Variants in TIAM1 observed in about 807,000 individuals in gnomAD.
The protein encoded by TIAM1 is rho guanine nucleotide exchange factor TIAM1.
TIAM1 carries 65 observed loss-of-function variants against 163.5 expected under a neutral mutation model. That is an observed-to-expected ratio of 0.40 (90% CI 0.33 to 0.49). The LOEUF is 0.49. Ranked by LOEUF, TIAM1 falls within the 20% of genes least tolerant of loss-of-function variation. The probability of loss-of-function intolerance (pLI) is 0.77; values close to 1 mark genes in which losing one functional copy is unlikely to be tolerated. For missense variants in TIAM1, 1,789 were observed against 2,044.7 expected, an observed-to-expected ratio of 0.87 and a Z score of 2.41; for synonymous variants, 833 against 810.1, an observed-to-expected ratio of 1.03 and a Z score of -0.48.
chr21:31,171,696 G>A (rs1332546028), intron 15 of TIAM1, among the ~76,000 whole-genome samples: 1 of 152,168 alleles, frequency 6.6e-6, no homozygotes, highest in Non-Finnish European at 1.5e-5. Context: ...AGACTTTTAT[G>A]TCTATTTCGC....
intron 2 of TIAM1, among the ~76,000 whole-genome samples, chr21:31,440,061 G>C (rs1335334730): frequency 6.6e-6 from 1 of 152,134 alleles, no homozygotes; most frequent in Admixed American, 6.6e-5. Context: ...GGAAAAAATA[G>C]TACTCATACC....
chr21:31,476,637 T>A (rs1376940917), intron 1 of TIAM1, among the ~76,000 whole-genome samples: 1 of 152,198 alleles, frequency 6.6e-6, no homozygotes. Context: ...AACCAAATGA[T>A]GGGTGTCAGA....
rs186084044 is a variant in TIAM1 at position 31,259,578 on chromosome 21, A to G, written c.963+6432T>C. Among the ~76,000 whole-genome samples, 350 of 151,968 alleles carry G rather than the reference A, an allele frequency of 2.3e-3. 1 individual carries two copies. Among genetic ancestry groups the G allele is most frequent in the African/African-American group, 7.6e-3 (317 of 41,448 alleles). ...GTGCACTATGATAATATCTGTAAAT[A>G]GCCACTGCACTCCAGCCTGGGAAAC... On this transcript the variant is annotated intron_variant, in intron 4 of 27. Transcript: ENST00000541036.
Position 31,468,832 on chromosome 21 carries a change from T to G in TIAM1, c.-421-4797A>C, listed in dbSNP as rs563380741. Among the ~76,000 whole-genome samples, 5 of 152,184 alleles carry G rather than the reference T, an allele frequency of 3.3e-5. No individual in the cohort carries two copies. The South Asian group carries it at 1.0e-3, about 32-fold the overall frequency. On this transcript the variant is annotated intron_variant, in intron 1 of 28. Transcript: ENST00000286827. ...AAATACTCTCAGATTGCCCTTCAGA[T>G]GACTTTTCCTCTTTTTCCTCTGGGA...
intron 2 of TIAM1, among the ~76,000 whole-genome samples, chr21:31,431,975 ACATCGCATGCTATG>A (rs758709615): frequency 1.3e-5 from 2 of 152,166 alleles, no homozygotes; most frequent in Admixed American, 6.5e-5. Context: ...CTAGAATGCC[ACATCGCATGCTATG>A]CAGAGTTACA....
At chr21:31,283,911 G>A (rs184946604) in intron 2 of TIAM1, among the ~76,000 whole-genome samples, 9 of 152,294 alleles carry the variant, frequency 5.9e-5, no homozygotes, top group African/African-American at 2.2e-4. Context: ...TCCAAGAGTA[G>A]TTTCCATGGA....
At chr21:31,509,035 G>A (rs2047125522) in intron 1 of TIAM1, among the ~76,000 whole-genome samples, 1 of 152,164 alleles carries the variant, frequency 6.6e-6, no homozygotes, top group South Asian at 2.1e-4. Context: ...GAGACCCCCT[G>A]GAGGGAATGA....
At position 31,182,423 on chromosome 21, in the gene TIAM1, G is replaced by C. The variant is rs760397279; in HGVS notation, c.2885C>G (p.Pro962Arg). 6.4e-7 allele frequency: 1 copy of C among 1,566,774 alleles called. No individual in the cohort carries two copies. Among genetic ancestry groups the C allele is most frequent in the Non-Finnish European group, 8.6e-7 (1 of 1,158,612 alleles). The change falls in exon 15 of 28, where the codon CCA becomes CGA. Residue 962 changes from proline to arginine, a missense_variant and splice_region_variant. Coordinates refer to ENST00000541036, the MANE Select transcript of TIAM1 (RefSeq NM_001353694.2). ...ESPLAFLTSN[P>R]GHSLCSEQGS... ...CCCAGCACCCTGCACAGCCATACCT[G>C]GGTTGCTGGTGAGAAAGGCGAGGGG...
chr21:31,449,180 G>A (rs1390204172), intron 2 of TIAM1, among the ~76,000 whole-genome samples: 2 of 151,992 alleles, frequency 1.3e-5, no homozygotes, highest in African/African-American at 2.4e-5. Flanking sequence ...GCCCAGGCTG[G>A]TCTTGAACTC....
chr21:31,337,506 A>ATTATTATTGTTG (rs2075878237), intron 2 of TIAM1, among the ~76,000 whole-genome samples: 2 of 138,276 alleles, frequency 1.4e-5, no homozygotes, highest in African/African-American at 5.8e-5. Flanking sequence ...TGTTTTTATT[A>ATTATTATTGTTG]TTATTATTGT....
At chr21:31,169,508 A>G (rs2084403252) in intron 15 of TIAM1, among the ~76,000 whole-genome samples, 1 of 152,196 alleles carries the variant, frequency 6.6e-6, no homozygotes, top group Non-Finnish European at 1.5e-5. Flanking sequence ...TTCAAATGTT[A>G]AAACTATCAA....
intron 27 of TIAM1, chr21:31,124,306 G>T: frequency 2.1e-6 from 1 of 485,358 alleles, no homozygotes; most frequent in Non-Finnish European, 3.3e-6. Flanking sequence ...GAAGGCTTGA[G>T]GGAGGACAAG....
intron 1 of TIAM1, among the ~76,000 whole-genome samples, chr21:31,489,864 G>A (rs1197546414): frequency 6.6e-6 from 1 of 152,160 alleles, no homozygotes; most frequent in Non-Finnish European, 1.5e-5. Flanking sequence ...AGCACTTGAA[G>A]AAACTTCCAG....
chr21:31,402,841 A>C (rs928324007), intron 2 of TIAM1, among the ~76,000 whole-genome samples: 20 of 152,030 alleles, frequency 1.3e-4, no homozygotes, highest in African/African-American at 4.6e-4. Flanking sequence ...AGTCCCAGCT[A>C]CTCGGAAGGC....
chr21:31,318,325 G>A (rs1662944611), intron 2 of TIAM1, among the ~76,000 whole-genome samples: 1 of 152,292 alleles, frequency 6.6e-6, no homozygotes, highest in East Asian at 1.9e-4. Context: ...CGCTGGTTTC[G>A]AACTCCTGAG....
intron 2 of TIAM1, among the ~76,000 whole-genome samples, chr21:31,329,809 T>G (rs1475904): frequency 0.14 from 20,886 of 152,150 alleles, 1,968 homozygotes; most frequent in East Asian, 0.44. Flanking sequence ...GACACTTTAC[T>G]AGATGTCATG....
chr21:31,345,515 A>C (rs1271501404), upstream of TIAM1, among the ~76,000 whole-genome samples: 1 of 151,864 alleles, frequency 6.6e-6, no homozygotes, highest in Non-Finnish European at 1.5e-5. Flanking sequence ...TATGTATATG[A>C]ACATGAAGAA....
chr21:31,407,835 A>G (rs1357171997), intron 2 of TIAM1, among the ~76,000 whole-genome samples: 1 of 151,856 alleles, frequency 6.6e-6, no homozygotes, highest in Non-Finnish European at 1.5e-5. Context: ...ACGGGGTTTC[A>G]CCATGTTGGC....
intron 2 of TIAM1, among the ~76,000 whole-genome samples, chr21:31,368,305 A>C (rs1440667652): frequency 6.6e-6 from 1 of 151,974 alleles, no homozygotes; most frequent in African/African-American, 2.4e-5. Context: ...GGGCTTTAAT[A>C]TTCCATAATA....
Sources: gnomAD v4.1 joint callset for allele counts (sites outside exome capture counted in the v4.1 genomes callset) on GRCh38, gnomAD v4.1.1 for gene constraint, MANE v1.5 for transcripts, NCBI Gene and HGNC (gene_info 2026-07-23, HGNC 2026-07-21) for gene names.